GALNT13: variants seen among roughly 807,000 people sequenced by gnomAD.
The protein encoded by GALNT13 is UDP-GalNAc:polypeptide N-acetylgalactosaminyltransferase 13.
GALNT13 carries 28 observed loss-of-function variants against 64.2 expected under a neutral mutation model. The ratio of observed to expected loss-of-function variants is 0.44; its 90% CI spans 0.32 to 0.60. GALNT13 has a LOEUF of 0.60. GALNT13 is among the 20% of genes least tolerant of loss of function. GALNT13 has a pLI of 0.05. For missense variants in GALNT13, 577 were observed against 669.8 expected (o/e 0.86, Z 1.53); for synonymous variants, 214 against 224.6 (o/e 0.95, Z 0.42).
intron 3 of GALNT13, among the ~76,000 whole-genome samples, chr2:154,033,194 A>G (rs370827763): frequency 1.3e-5 from 2 of 152,058 alleles, no homozygotes; most frequent in African/African-American, 2.4e-5. Flanking sequence ...AAAATGTATT[A>G]TAAGTCTGAA....
the GALNT13 span, among the ~76,000 whole-genome samples, chr2:153,286,098 A>T: frequency 6.6e-6 from 1 of 152,134 alleles, no homozygotes; most frequent in Non-Finnish European, 1.5e-5. Flanking sequence ...TATACAAAAA[A>T]ACATTAAAAG....
At chr2:154,251,822 A>G (rs977060871) in intron 7 of GALNT13, among the ~76,000 whole-genome samples, 2 of 152,152 alleles carry the variant, frequency 1.3e-5, no homozygotes, top group African/African-American at 4.8e-5. Context: ...TTTTGGTTAT[A>G]GTGCATAGAA....
chr2:153,624,666 A>G, the GALNT13 span, among the ~76,000 whole-genome samples: 1 of 152,094 alleles, frequency 6.6e-6, no homozygotes, highest in African/African-American at 2.4e-5. Context: ...TTACTGAGCT[A>G]TGCGGGTTAT....
At chr2:153,272,228 A>G in the GALNT13 span, among the ~76,000 whole-genome samples, 4 of 152,332 alleles carry the variant, frequency 2.6e-5, no homozygotes, top group Non-Finnish European at 1.5e-5. Flanking sequence ...TAAAACACTA[A>G]AAGCAACGGC....
chr2:154,144,203 T>C lies in GALNT13; in HGVS notation c.311+3698T>C, dbSNP rs1054444164. Among the ~76,000 whole-genome samples the C allele has an allele frequency of 2.0e-5, 3 of 152,168 alleles. 1 individual carries two copies. The South Asian group carries it at 6.2e-4, about 31-fold the overall frequency. On this transcript the variant is annotated intron_variant, in intron 4 of 12. Coordinates refer to ENST00000392825, the MANE Select transcript of GALNT13 (RefSeq NM_052917.4). ...AAATTCCTAGACAAGTCACAGTGTA[T>C]GAGGTTTACCAGGGACATTTGCAAG... is the stretch of plus-strand genomic sequence containing the variant.
chr2:153,268,429 C>T, the GALNT13 span, among the ~76,000 whole-genome samples: 7 of 152,348 alleles, frequency 4.6e-5, no homozygotes, highest in Middle Eastern at 3.4e-3. Flanking sequence ...GAAAGCTCTG[C>T]CCCTGTGGCT....
the GALNT13 span, among the ~76,000 whole-genome samples, chr2:153,452,189 C>A: frequency 6.6e-6 from 1 of 152,132 alleles, no homozygotes; most frequent in African/African-American, 2.4e-5. Flanking sequence ...GTGGCCCAAA[C>A]AACAAAACAT....
At chr2:153,454,377 C>T in the GALNT13 span, among the ~76,000 whole-genome samples, 2 of 152,024 alleles carry the variant, frequency 1.3e-5, no homozygotes. Flanking sequence ...ACTCTGAGAC[C>T]GTCCATTTTC....
chr2:154,372,077 A>G (rs1469984985), intron 9 of GALNT13, among the ~76,000 whole-genome samples: 1 of 152,114 alleles, frequency 6.6e-6, no homozygotes, highest in Non-Finnish European at 1.5e-5. Context: ...AATAAAGGTT[A>G]CTTTTCAGTC....
chr2:153,426,612 C>A, the GALNT13 span, among the ~76,000 whole-genome samples: 1 of 152,024 alleles, frequency 6.6e-6, no homozygotes, highest in Admixed American at 6.6e-5. Context: ...CTACAATCTT[C>A]AAAATTATGT....
chr2:153,615,987 A>G, the GALNT13 span, among the ~76,000 whole-genome samples: 1 of 151,992 alleles, frequency 6.6e-6, no homozygotes, highest in Non-Finnish European at 1.5e-5. Context: ...CTTGTGGGGA[A>G]TTACTCAAGA....
At chr2:154,312,287 C>G (rs987592848) in intron 9 of GALNT13, among the ~76,000 whole-genome samples, 7 of 152,220 alleles carry the variant, frequency 4.6e-5, no homozygotes, top group African/African-American at 1.7e-4. Flanking sequence ...CAGCCGGTCC[C>G]TCCGTTTGGG....
At chr2:154,031,690 A>G (rs140117980) in intron 3 of GALNT13, among the ~76,000 whole-genome samples, 43 of 152,122 alleles carry the variant, frequency 2.8e-4, no homozygotes, top group African/African-American at 1.0e-3. Context: ...CAATTTTCCA[A>G]GAAGACACCT....
At chr2:153,845,340 C>T in the GALNT13 span, among the ~76,000 whole-genome samples, 1 of 152,148 alleles carries the variant, frequency 6.6e-6, no homozygotes, top group Non-Finnish European at 1.5e-5. Flanking sequence ...AGAAAGCTTA[C>T]AATCATGGTG....
chr2:153,782,708 T>C, the GALNT13 span, among the ~76,000 whole-genome samples: 2 of 151,754 alleles, frequency 1.3e-5, no homozygotes, highest in Non-Finnish European at 1.5e-5. Flanking sequence ...AGCCATGGAG[T>C]CTTGGAACAA....
the GALNT13 span, among the ~76,000 whole-genome samples, chr2:153,394,676 A>G: frequency 6.6e-6 from 1 of 152,168 alleles, no homozygotes; most frequent in Non-Finnish European, 1.5e-5. Context: ...AAAGATAGGT[A>G]CTGCCATGTT....
the GALNT13 span, among the ~76,000 whole-genome samples, chr2:153,242,898 C>T: frequency 6.6e-6 from 1 of 152,206 alleles, no homozygotes; most frequent in Non-Finnish European, 1.5e-5. Flanking sequence ...AAATAAATCC[C>T]TCAAAATCTA....
chr2:153,154,650 G>T, the GALNT13 span, among the ~76,000 whole-genome samples: 2 of 152,130 alleles, frequency 1.3e-5, no homozygotes, highest in East Asian at 3.9e-4. Context: ...CGAGAATGGG[G>T]TTTTCTAGAT....
At chr2:153,524,815 A>G in the GALNT13 span, among the ~76,000 whole-genome samples, 1 of 152,194 alleles carries the variant, frequency 6.6e-6, no homozygotes, top group South Asian at 2.1e-4. Flanking sequence ...AAGGCAATCT[A>G]GGCCACAAGG....
Sources: gnomAD v4.1 joint callset for allele counts (sites outside exome capture counted in the v4.1 genomes callset) on GRCh38, gnomAD v4.1.1 for gene constraint, MANE v1.5 for transcripts, NCBI Gene and HGNC (gene_info 2026-07-23, HGNC 2026-07-21) for gene names.